The following PCDH15 variants were observed in gnomAD, a reference collection of about 807,000 sequenced individuals.
PCDH15 encodes protocadherin related 15, also known as protocadherin-15.
A neutral mutation model predicts 178.5 loss-of-function variants in PCDH15; 129 were observed. That is an observed-to-expected ratio of 0.72 (90% CI 0.63 to 0.84). The LOEUF (loss-of-function observed/expected upper bound fraction) is 0.84, where lower values mean the gene tolerates loss of function less well. Ranked by LOEUF, PCDH15 falls within the 40% of genes least tolerant of loss-of-function variation. The pLI, the probability that PCDH15 is intolerant of heterozygous loss-of-function variation, is 0.00. For missense variants in PCDH15, 2,230 were observed against 2,099.9 expected, an observed-to-expected ratio of 1.06 and a Z score of -1.21; for synonymous variants, 800 against 732.0, an observed-to-expected ratio of 1.09 and a Z score of -1.50.
At chr10:54,980,828 T>C (rs1462978020) in intron 2 of PCDH15, among the ~76,000 whole-genome samples, 2 of 152,116 alleles carry the variant, frequency 1.3e-5, no homozygotes, top group East Asian at 3.8e-4. Flanking sequence ...TACCGTGGCA[T>C]ACCATAAGGC....
intron 2 of PCDH15, among the ~76,000 whole-genome samples, chr10:55,410,841 G>A (rs1481370500): frequency 1.3e-5 from 2 of 152,018 alleles, no homozygotes; most frequent in Non-Finnish European, 2.9e-5. Context: ...CCATGTTCAA[G>A]CCGGTGTTTG....
chr10:55,133,397 C>G (rs1838105999), intron 2 of PCDH15, among the ~76,000 whole-genome samples: 1 of 152,170 alleles, frequency 6.6e-6, no homozygotes, highest in African/African-American at 2.4e-5. Context: ...TTCAATCTAA[C>G]TGGCCACTCC....
intron 2 of PCDH15, among the ~76,000 whole-genome samples, chr10:55,033,462 A>C (rs1840660137): frequency 6.6e-6 from 1 of 152,110 alleles, no homozygotes; most frequent in African/African-American, 2.4e-5. Flanking sequence ...GGTTTGCCTC[A>C]CTGTGTTTTG....
intron 2 of PCDH15, among the ~76,000 whole-genome samples, chr10:55,055,689 G>C (rs770956183): frequency 1.3e-5 from 2 of 152,082 alleles, no homozygotes; most frequent in Non-Finnish European, 2.9e-5. Context: ...TGTAGTCCCA[G>C]CTACCCAGGA....
At chr10:54,389,525 G>T (rs1203125729) in intron 3 of PCDH15, among the ~76,000 whole-genome samples, 18 of 152,106 alleles carry the variant, frequency 1.2e-4, no homozygotes, top group African/African-American at 4.3e-4. Context: ...CTAAAGTGTG[G>T]TCCCCTGACA....
At chr10:53,879,136 G>T in intron 26 of PCDH15, among the ~76,000 whole-genome samples, 1 of 150,726 alleles carries the variant, frequency 6.6e-6, no homozygotes, top group Non-Finnish European at 1.5e-5. Context: ...ACACTTAAAC[G>T]TACCTTTCAC....
At chr10:55,447,530 T>A (rs1226455776) in intron 2 of PCDH15, among the ~76,000 whole-genome samples, 3 of 151,968 alleles carry the variant, frequency 2.0e-5, no homozygotes, top group Non-Finnish European at 4.4e-5. Context: ...GCTTCAGGCT[T>A]AATGAGCAAT....
intron 1 of PCDH15, among the ~76,000 whole-genome samples, chr10:54,773,293 C>T (rs1949308554): frequency 3.3e-5 from 5 of 151,952 alleles, no homozygotes; most frequent in Admixed American, 3.3e-4. Context: ...GAAACTAGAT[C>T]TAAATGAGTC....
At chr10:55,073,092 C>T (rs915186776) in intron 2 of PCDH15, among the ~76,000 whole-genome samples, 4 of 152,140 alleles carry the variant, frequency 2.6e-5, no homozygotes, top group Admixed American at 6.5e-5. Context: ...ATTGATGGGA[C>T]GTATCTCAAA....
chr10:53,967,329 A>C (rs1900445), intron 21 of PCDH15, among the ~76,000 whole-genome samples: 109,872 of 152,032 alleles, frequency 0.72, 39,978 homozygotes, highest in East Asian at 0.87. Context: ...GTCAACTAAA[A>C]CTCTTTCCTT....
At chr10:54,064,868 C>A (rs1362519679) in intron 18 of PCDH15, among the ~76,000 whole-genome samples, 1 of 152,186 alleles carries the variant, frequency 6.6e-6, no homozygotes. Flanking sequence ...GGTCTGCAGC[C>A]ACAGCTGGGC....
At chr10:55,626,236 T>G (rs935803658) in intron 2 of PCDH15, among the ~76,000 whole-genome samples, 3 of 152,086 alleles carry the variant, frequency 2.0e-5, no homozygotes, top group African/African-American at 4.8e-5. Context: ...AGTTCCAGAT[T>G]CCACTAGTTG....
chr10:55,038,880 C>T (rs11004694), intron 2 of PCDH15, among the ~76,000 whole-genome samples: 84,911 of 151,984 alleles, frequency 0.56, 24,174 homozygotes, highest in East Asian at 0.75. Flanking sequence ...AATTCTCTGA[C>T]CTTAAATCAG....
At chr10:54,670,398 G>A (rs1403503764) in intron 1 of PCDH15, among the ~76,000 whole-genome samples, 3 of 152,150 alleles carry the variant, frequency 2.0e-5, no homozygotes, top group South Asian at 4.1e-4. Flanking sequence ...TCAAATCAGT[G>A]TCTTAACATG....
chr10:54,218,295 A>C (rs1485844170), intron 9 of PCDH15, among the ~76,000 whole-genome samples: 2 of 152,170 alleles, frequency 1.3e-5, no homozygotes, highest in Non-Finnish European at 2.9e-5. Flanking sequence ...ACAAAAAAAG[A>C]GATAAAGCCA....
intron 4 of PCDH15, among the ~76,000 whole-genome samples, chr10:54,373,116 C>T (rs1050608973): frequency 6.6e-6 from 1 of 151,644 alleles, no homozygotes; most frequent in African/African-American, 2.4e-5. Context: ...TTGATATTAG[C>T]AGTTTAGATT....
At chr10:54,701,742 CA>C (rs2095311219) in intron 1 of PCDH15, among the ~76,000 whole-genome samples, 1 of 152,004 alleles carries the variant, frequency 6.6e-6, no homozygotes, top group Admixed American at 6.6e-5. Flanking sequence ...TTCAATTCAA[CA>C]AGAAATCCCA....
chr10:54,678,120 C>T (rs910692319), intron 1 of PCDH15, among the ~76,000 whole-genome samples: 28 of 152,106 alleles, frequency 1.8e-4, no homozygotes, highest in African/African-American at 6.8e-4. Context: ...TCAGAAATAT[C>T]AGGTAGTTAC....
At chr10:53,902,267 C>CA (rs2082380814) in intron 26 of PCDH15, among the ~76,000 whole-genome samples, 1 of 152,028 alleles carries the variant, frequency 6.6e-6, no homozygotes, top group Non-Finnish European at 1.5e-5. Flanking sequence ...TTTGCAAGCC[C>CA]AACCCAATTA....
Sources: allele counts gnomAD v4.1 joint callset (sites outside exome capture counted in the v4.1 genomes callset), GRCh38; gene constraint gnomAD v4.1.1; transcripts MANE v1.5; gene names NCBI Gene and HGNC (gene_info 2026-07-23, HGNC 2026-07-21).